Variants in RIMS2 observed in about 807,000 individuals in gnomAD.
The protein encoded by RIMS2 is regulating synaptic membrane exocytosis 2.
RIMS2 carries 59 observed loss-of-function variants against 174.4 expected under a neutral mutation model. The ratio of observed to expected loss-of-function variants is 0.34; its 90% CI spans 0.27 to 0.42. The LOEUF (loss-of-function observed/expected upper bound fraction) is 0.42, where lower values mean the gene tolerates loss of function less well. Among genes scored for constraint, RIMS2 ranks in the 10% least tolerant of loss-of-function variants. RIMS2 has a pLI of 1.00. For missense variants in RIMS2, 1,620 were observed against 1,666.3 expected (o/e 0.97, Z 0.48); for synonymous variants, 606 against 572.5 (o/e 1.06, Z -0.84).
At chr8:103,876,867 TATATATATATATATATATATATA>T (rs2099141169) in intron 3 of RIMS2, among the ~76,000 whole-genome samples, 2 of 28,462 alleles carry the variant, frequency 7.0e-5, no homozygotes, top group South Asian at 1.6e-3. Context: ...CACTATTTTA[TATATATATATATATATATATATA>T]TATATATATA....
At chr8:103,971,624 T>C (rs898648463) in intron 15 of RIMS2, among the ~76,000 whole-genome samples, 1 of 151,662 alleles carries the variant, frequency 6.6e-6, no homozygotes, top group Non-Finnish European at 1.5e-5. Flanking sequence ...CTGGCTGGAG[T>C]GTAGTGGTGT....
intron 3 of RIMS2, among the ~76,000 whole-genome samples, chr8:103,817,002 T>C (rs185410954): frequency 2.4e-4 from 36 of 152,304 alleles, no homozygotes; most frequent in African/African-American, 8.4e-4. Context: ...ATTAAATCTA[T>C]TTAAAAGGGG....
intron 3 of RIMS2, among the ~76,000 whole-genome samples, chr8:103,823,475 A>C (rs1261728973): frequency 6.6e-6 from 1 of 151,974 alleles, no homozygotes; most frequent in African/African-American, 2.4e-5. Flanking sequence ...GGGCTACTCT[A>C]ATTATAAAAG....
chr8:103,942,837 A>T (rs1308069986), exon 14 of RIMS2: 6 of 1,612,976 alleles, frequency 3.7e-6, no homozygotes. Context: ...CTTCAGACGC[A>T]TGATGTCTCT....
At chr8:103,699,608 GTCTTT>G (rs1347188898) in intron 2 of RIMS2, among the ~76,000 whole-genome samples, 1 of 151,422 alleles carries the variant, frequency 6.6e-6, no homozygotes, top group African/African-American at 2.4e-5. Flanking sequence ...TTCTTTTCTT[GTCTTT>G]TCTTTTTCTG....
chr8:104,222,194 G>T (rs549559208), intron 19 of RIMS2, among the ~76,000 whole-genome samples: 4 of 152,096 alleles, frequency 2.6e-5, no homozygotes, highest in African/African-American at 9.6e-5. Flanking sequence ...CTGATTTGTC[G>T]TGTCTCTCCC....
In RIMS2 at chr8:103,917,885, C is replaced by G. The variant is rs150047096; in HGVS notation, c.2037-556C>G. On this transcript the variant is annotated intron_variant, in intron 8 of 23. Transcript: ENST00000504942. The stretch of plus-strand genomic sequence containing the variant: ...AAATTAGGCTGAGGCAGGAGAATTG[C>G]TTGAACCCAGAAAGTGGAGGTTGCA... Among the ~76,000 whole-genome samples the G allele has an allele frequency of 2.9e-3, 448 of 152,204 alleles. 4 individuals carry two copies. Among genetic ancestry groups the G allele is most frequent in the African/African-American group, 0.01 (421 of 41,528 alleles).
At chr8:104,002,745 G>A (rs1428722937) in intron 17 of RIMS2, among the ~76,000 whole-genome samples, 1 of 152,160 alleles carries the variant, frequency 6.6e-6, no homozygotes, top group Admixed American at 6.6e-5. Flanking sequence ...TCCATTAGAA[G>A]AAGCTGGGCT....
intron 1 of RIMS2, among the ~76,000 whole-genome samples, chr8:103,685,579 A>C (rs2096931932): frequency 6.6e-6 from 1 of 152,150 alleles, no homozygotes; most frequent in Non-Finnish European, 1.5e-5. Flanking sequence ...AATTGCTTAA[A>C]AGACAATTTT....
Position 104,235,026 on chromosome 8 carries a change from C to T in RIMS2, c.3335-9890C>T, listed in dbSNP as rs146382383. Among the ~76,000 whole-genome samples, 840 of 152,212 alleles carry T rather than the reference C, an allele frequency of 5.5e-3. 20 individuals carry two copies. The highest frequency in any genetic ancestry group is 0.011 in the East Asian group (59 of 5,190). Reference sequence around the variant, plus strand: ...TTGTAGGGAATAACTGTTTCTAGCACATTTGTTTCCATTTTTATCATAAAT... The same window carrying T: ...TTGTAGGGAATAACTGTTTCTAGCATATTTGTTTCCATTTTTATCATAAAT... On this transcript the variant is annotated intron_variant, in intron 19 of 23. Transcript: ENST00000504942.
chr8:104,025,770 G>C (rs1295934054), intron 19 of RIMS2, among the ~76,000 whole-genome samples: 1 of 150,556 alleles, frequency 6.6e-6, no homozygotes, highest in African/African-American at 2.5e-5. Flanking sequence ...GTCAATAACA[G>C]ACTCCATATA....
At position 103,839,516 on chromosome 8, in the gene RIMS2, C is replaced by A. The variant is rs117422122; in HGVS notation, c.699-45782C>A. Among the ~76,000 whole-genome samples, 32 of 152,218 alleles carry A rather than the reference C, an allele frequency of 2.1e-4. 1 individual carries two copies. The East Asian group carries it at 6.2e-3, about 29-fold the overall frequency. ...TGGTTTTCTTACTCTTAATGCATGG[C>A]CTTTGTGAGGCCTCAACTGAATGCC... On this transcript the variant is annotated intron_variant, in intron 3 of 23. Coordinates refer to ENST00000504942, the Ensembl canonical transcript of RIMS2.
At chr8:103,580,987 G>A (rs1588200793) in intron 1 of RIMS2, among the ~76,000 whole-genome samples, 2 of 151,690 alleles carry the variant, frequency 1.3e-5, no homozygotes, top group South Asian at 4.2e-4. Context: ...CCGCCACCAC[G>A]TCCAGCTAAT....
chr8:103,793,607 A>C (rs2098521939), intron 3 of RIMS2, among the ~76,000 whole-genome samples: 1 of 152,196 alleles, frequency 6.6e-6, no homozygotes, highest in Non-Finnish European at 1.5e-5. Flanking sequence ...AAAGAAATAA[A>C]GGGTATTCAA....
intron 19 of RIMS2, among the ~76,000 whole-genome samples, chr8:104,154,359 T>G (rs2098708591): frequency 6.6e-6 from 1 of 152,228 alleles, no homozygotes; most frequent in African/African-American, 2.4e-5. Context: ...TGCCCTGTCC[T>G]GTACAATATG....
At chr8:103,973,781 C>G (rs986338949) in intron 15 of RIMS2, among the ~76,000 whole-genome samples, 3 of 152,204 alleles carry the variant, frequency 2.0e-5, no homozygotes, top group Non-Finnish European at 4.4e-5. Context: ...TTACATTCAA[C>G]TGCAATTATT....
At chr8:104,246,091 G>A (rs1341778345) in intron 20 of RIMS2, among the ~76,000 whole-genome samples, 1 of 152,142 alleles carries the variant, frequency 6.6e-6, no homozygotes, top group Non-Finnish European at 1.5e-5. Flanking sequence ...TACTGTTAGG[G>A]ATATAAAAAT....
chr8:103,635,553 C>T (rs1054024719), intron 1 of RIMS2, among the ~76,000 whole-genome samples: 1 of 152,246 alleles, frequency 6.6e-6, no homozygotes, highest in African/African-American at 2.4e-5. Context: ...CCAGTGAAGG[C>T]TGTGAAACAG....
At chr8:103,797,191 G>T (rs949335382) in intron 3 of RIMS2, among the ~76,000 whole-genome samples, 1 of 152,074 alleles carries the variant, frequency 6.6e-6, no homozygotes, top group Non-Finnish European at 1.5e-5. Flanking sequence ...TTTCTTCAAA[G>T]CCTAACTCAA....
Sources: gnomAD v4.1 joint callset for allele counts (sites outside exome capture counted in the v4.1 genomes callset) on GRCh38, gnomAD v4.1.1 for gene constraint, MANE v1.5 for transcripts, NCBI Gene and HGNC (gene_info 2026-07-23, HGNC 2026-07-21) for gene names.